PDE4D: variants seen among roughly 807,000 people sequenced by gnomAD.
PDE4D encodes phosphodiesterase 4D, also known as 3',5'-cyclic-AMP phosphodiesterase 4D.
PDE4D carries 24 observed loss-of-function variants against 87.4 expected under a neutral mutation model. The observed-to-expected ratio is 0.27, with a 90% CI of 0.20 to 0.39. The LOEUF is 0.39. Ranked by LOEUF, PDE4D falls within the 10% of genes least tolerant of loss-of-function variation. The pLI, the probability that PDE4D is intolerant of heterozygous loss-of-function variation, is 1.00. For synonymous variants in PDE4D, 384 were observed against 383.2 expected, an observed-to-expected ratio of 1.00 and a Z score of -0.02; for missense variants, 714 against 1,041.0, an observed-to-expected ratio of 0.69 and a Z score of 4.32.
chr5:59,925,061 G>A (rs1198908665), intron 3 of PDE4D, among the ~76,000 whole-genome samples: 6 of 151,308 alleles, frequency 4.0e-5, no homozygotes, highest in Non-Finnish European at 8.8e-5. Context: ...TGTAGTCCCA[G>A]CTACTCAGGA....
At chr5:59,568,354 AAATGAGGGAG>A in intron 1 of PDE4D, among the ~76,000 whole-genome samples, 1 of 152,302 alleles carries the variant, frequency 6.6e-6, no homozygotes, top group East Asian at 1.9e-4. Context: ...CTGAATAATT[AAATGAGGGAG>A]AATAAGCAAA....
At chr5:59,617,920 C>G (rs149234107) in intron 1 of PDE4D, among the ~76,000 whole-genome samples, 1 of 152,170 alleles carries the variant, frequency 6.6e-6, no homozygotes, top group Non-Finnish European at 1.5e-5. Context: ...AAGTAGTGGC[C>G]TCTTTTCAAG....
At chr5:59,680,597 G>T (rs1554059644) in intron 1 of PDE4D, among the ~76,000 whole-genome samples, 1 of 152,072 alleles carries the variant, frequency 6.6e-6, no homozygotes, top group Non-Finnish European at 1.5e-5. Context: ...TGTGAGAAAA[G>T]AACTAACCAA....
chr5:60,369,516 G>C (rs1227023100), intron 1 of PDE4D, among the ~76,000 whole-genome samples: 2 of 152,164 alleles, frequency 1.3e-5, no homozygotes, highest in Non-Finnish European at 2.9e-5. Context: ...CAACTGACCA[G>C]AGCACCAAGG....
At chr5:59,014,693 A>G (rs1383629787) in intron 6 of PDE4D, among the ~76,000 whole-genome samples, 2 of 152,200 alleles carry the variant, frequency 1.3e-5, no homozygotes, top group Non-Finnish European at 2.9e-5. Flanking sequence ...AAATGGCCAT[A>G]CTGCCCAAGG....
At chr5:60,281,131 T>C (rs1469444161) in intron 1 of PDE4D, among the ~76,000 whole-genome samples, 2 of 152,168 alleles carry the variant, frequency 1.3e-5, no homozygotes, top group African/African-American at 4.8e-5. Context: ...CTCTCTACTT[T>C]GTTTCAGTAG....
chr5:60,166,893 G>C (rs1403558095), intron 2 of PDE4D, among the ~76,000 whole-genome samples: 1 of 151,808 alleles, frequency 6.6e-6, no homozygotes, highest in Non-Finnish European at 1.5e-5. Context: ...GATCTGTAAG[G>C]TTTCTGCTGA....
chr5:60,465,582 A>T (rs926566716), intron 1 of PDE4D, among the ~76,000 whole-genome samples: 1 of 152,188 alleles, frequency 6.6e-6, no homozygotes. Flanking sequence ...TTAAAAAAAG[A>T]GTGGGAAATA....
intron 1 of PDE4D, among the ~76,000 whole-genome samples, chr5:60,349,301 T>C (rs1290501730): frequency 1.3e-5 from 2 of 152,202 alleles, no homozygotes; most frequent in African/African-American, 2.4e-5. Flanking sequence ...ATGTAATTTA[T>C]ATTACTATTG....
intron 1 of PDE4D, among the ~76,000 whole-genome samples, chr5:59,612,214 G>C (rs1480415270): frequency 7.2e-6 from 1 of 138,074 alleles, no homozygotes; most frequent in East Asian, 2.1e-4. Context: ...TATATATTCT[G>C]ATTCCTTGAT....
At chr5:59,879,850 C>T (rs2152744945) in intron 1 of PDE4D, among the ~76,000 whole-genome samples, 1 of 152,328 alleles carries the variant, frequency 6.6e-6, no homozygotes. Flanking sequence ...AAGCGATTCT[C>T]CTGCCTCAGT....
chr5:59,049,444 T>A (rs1761206605), intron 5 of PDE4D, among the ~76,000 whole-genome samples: 1 of 152,200 alleles, frequency 6.6e-6, no homozygotes. Context: ...TATTAGGAAC[T>A]AACATTGCCA....
At chr5:60,404,161 CTTTTT>C (rs35780128) in intron 1 of PDE4D, among the ~76,000 whole-genome samples, 7 of 119,396 alleles carry the variant, frequency 5.9e-5, no homozygotes, top group African/African-American at 1.9e-4. Context: ...TCAGCCAATT[CTTTTT>C]TTTTTTTTTT....
At chr5:59,355,865 A>G (rs1449081561) in intron 1 of PDE4D, among the ~76,000 whole-genome samples, 1 of 152,188 alleles carries the variant, frequency 6.6e-6, no homozygotes, top group African/African-American at 2.4e-5. Context: ...CAGGCAAATC[A>G]GAACACATTT....
intron 2 of PDE4D, among the ~76,000 whole-genome samples, chr5:60,152,894 T>C (rs1455385819): frequency 6.6e-6 from 1 of 152,232 alleles, no homozygotes; most frequent in Non-Finnish European, 1.5e-5. Context: ...ATTTGATTTC[T>C]GTAGCATCAA....
chr5:59,255,606 A>G (rs1290070175), intron 1 of PDE4D, among the ~76,000 whole-genome samples: 1 of 152,152 alleles, frequency 6.6e-6, no homozygotes, highest in Non-Finnish European at 1.5e-5. Context: ...TTATATCTCA[A>G]CAAAGGTCTT....
chr5:59,073,684 C>A (rs962669250), intron 5 of PDE4D, among the ~76,000 whole-genome samples: 6 of 152,090 alleles, frequency 3.9e-5, no homozygotes, highest in African/African-American at 1.4e-4. Flanking sequence ...CCTCCCAGGA[C>A]CAGGATGAAC....
At chr5:59,017,151 A>G (rs1754179460) in intron 6 of PDE4D, among the ~76,000 whole-genome samples, 1 of 152,204 alleles carries the variant, frequency 6.6e-6, no homozygotes, top group Non-Finnish European at 1.5e-5. Context: ...TCAAGGCAAC[A>G]TCACGTGGGT....
At chr5:60,049,195 G>A (rs1049990592) in intron 2 of PDE4D, among the ~76,000 whole-genome samples, 9 of 151,836 alleles carry the variant, frequency 5.9e-5, no homozygotes, top group African/African-American at 1.5e-4. Flanking sequence ...TGTAGTTCTC[G>A]AGCCTTGGTT....
Sources: gnomAD v4.1 joint callset for allele counts (sites outside exome capture counted in the v4.1 genomes callset) on GRCh38, gnomAD v4.1.1 for gene constraint, MANE v1.5 for transcripts, NCBI Gene and HGNC (gene_info 2026-07-23, HGNC 2026-07-21) for gene names.